The following C8orf89 variants were observed in gnomAD, a reference collection of about 807,000 sequenced individuals.
The protein encoded by C8orf89 is putative uncharacterized protein C8orf89.
Under a neutral mutation model 15.8 loss-of-function variants are expected in C8orf89, and 14 were observed. The ratio of observed to expected loss-of-function variants is 0.89; its 90% confidence interval spans 0.59 to 1.39. The LOEUF (loss-of-function observed/expected upper bound fraction) is 1.39. Ranked by LOEUF, C8orf89 falls within the 40% of genes most tolerant of loss-of-function variation. C8orf89 has a pLI of 0.00. For synonymous variants in C8orf89, 55 were observed against 62.2 expected (o/e 0.88, Z 0.54); for missense variants, 181 against 184.5 (o/e 0.98, Z 0.11).
the C8orf89 span, among the ~76,000 whole-genome samples, chr8:73,282,854 G>A: frequency 9.9e-5 from 15 of 152,210 alleles, no homozygotes; most frequent in Non-Finnish European, 2.1e-4. Flanking sequence ...GCTGAATGAG[G>A]CTGGGAATTG....
chr8:73,266,500 C>T, the C8orf89 span, among the ~76,000 whole-genome samples: 2 of 152,178 alleles, frequency 1.3e-5, no homozygotes, highest in Non-Finnish European at 2.9e-5. Flanking sequence ...TGTCAGAGAG[C>T]CAGACTACTT....
chr8:73,277,840 T>C, the C8orf89 span: 2 of 706,854 alleles, frequency 2.8e-6, no homozygotes, highest in African/African-American at 1.8e-5. Context: ...TCTTTTCCCA[T>C]AGCTGCTTTG....
the C8orf89 span, among the ~76,000 whole-genome samples, chr8:73,278,452 C>G: frequency 5.3e-5 from 8 of 152,290 alleles, no homozygotes; most frequent in East Asian, 1.5e-3. Flanking sequence ...TACCCTGACG[C>G]CCGGGCGCTG....
At chr8:73,260,110 C>A (rs892049848), upstream of C8orf89, among the ~76,000 whole-genome samples, 3 of 152,160 alleles carry the variant, frequency 2.0e-5, no homozygotes, top group African/African-American at 7.2e-5. Context: ...CTTATTCATT[C>A]ATGCAAAATA....
the C8orf89 span, among the ~76,000 whole-genome samples, chr8:73,283,162 G>A: frequency 6.6e-6 from 1 of 152,198 alleles, no homozygotes; most frequent in Non-Finnish European, 1.5e-5. Context: ...AAGGCAGGAA[G>A]AAGAAAAGGC....
At chr8:73,267,201 A>G in the C8orf89 span, among the ~76,000 whole-genome samples, 2 of 152,226 alleles carry the variant, frequency 1.3e-5, no homozygotes, top group Admixed American at 6.5e-5. Context: ...TTTCCTATAT[A>G]TACATACCTA....
intron 2 of C8orf89, among the ~76,000 whole-genome samples, chr8:73,256,726 C>CAAAAAAA (rs11288188): frequency 8.7e-4 from 38 of 43,680 alleles, no homozygotes; most frequent in South Asian, 1.0e-3. Context: ...GACTCTGTCT[C>CAAAAAAA]AAAAAAAAAA....
In C8orf89 at chr8:73,256,741, A is replaced by AAAT. The variant is rs1452964032; in HGVS notation, c.281+231_281+232insATT. On this transcript the variant is annotated intron_variant, in intron 2 of 3. Coordinates refer to ENST00000624510, the MANE Select transcript of C8orf89 (RefSeq NM_001243237.3). ...GACTCTGTCTCAAAAAAAAAAAAAA[A>AAAT]AAAAAAAAGCCCTTAAATCTTTTCT... Among the ~76,000 whole-genome samples, 1,243 of 151,192 alleles carry AAAT rather than the reference A, an allele frequency of 8.2e-3. 23 individuals carry two copies. Among genetic ancestry groups the AAAT allele is most frequent in the African/African-American group, 0.027 (1,126 of 41,184 alleles).
At chr8:73,247,575 C>T (rs1478284231) in intron 3 of C8orf89, among the ~76,000 whole-genome samples, 1 of 152,124 alleles carries the variant, frequency 6.6e-6, no homozygotes, top group Non-Finnish European at 1.5e-5. Context: ...TATAAGTGTT[C>T]CTTTTTCTTT....
chr8:73,249,126 T>C (rs564077647), intron 3 of C8orf89, among the ~76,000 whole-genome samples: 2 of 152,276 alleles, frequency 1.3e-5, no homozygotes, highest in African/African-American at 4.8e-5. Context: ...GAGTTTTTAA[T>C]AGGAAAGGTG....
intron 2 of C8orf89, among the ~76,000 whole-genome samples, chr8:73,256,588 C>T (rs1239532267): frequency 1.3e-5 from 2 of 151,424 alleles, no homozygotes; most frequent in Non-Finnish European, 2.9e-5. Context: ...ATTAGCTGGG[C>T]GTGGTGGCGG....
chr8:73,244,118 A>G (rs1813069456), intron 3 of C8orf89, among the ~76,000 whole-genome samples: 1 of 152,226 alleles, frequency 6.6e-6, no homozygotes, highest in Non-Finnish European at 1.5e-5. Context: ...AACATTTCTC[A>G]TAAATGCTAA....
chr8:73,275,800 TTA>T, the C8orf89 span, among the ~76,000 whole-genome samples: 28 of 152,316 alleles, frequency 1.8e-4, no homozygotes, highest in Middle Eastern at 6.8e-3. Flanking sequence ...TTTATGTCTT[TTA>T]GTTTATCAGA....
intron 3 of C8orf89, among the ~76,000 whole-genome samples, chr8:73,249,245 C>T (rs1278710239): frequency 1.3e-5 from 2 of 152,242 alleles, no homozygotes; most frequent in East Asian, 3.9e-4. Flanking sequence ...TATGTTGAAC[C>T]AACCTTGCAC....
At chr8:73,274,981 CTAA>C in the C8orf89 span, among the ~76,000 whole-genome samples, 1 of 152,102 alleles carries the variant, frequency 6.6e-6, no homozygotes, top group African/African-American at 2.4e-5. Context: ...TTAGAATTTT[CTAA>C]TATTACAAAC....
At chr8:73,283,200 C>T in the C8orf89 span, among the ~76,000 whole-genome samples, 1 of 152,180 alleles carries the variant, frequency 6.6e-6, no homozygotes, top group African/African-American at 2.4e-5. Flanking sequence ...GCAGACAGTT[C>T]AGGGGAACCA....
At chr8:73,283,341 C>T in the C8orf89 span, among the ~76,000 whole-genome samples, 1 of 152,146 alleles carries the variant, frequency 6.6e-6, no homozygotes, top group African/African-American at 2.4e-5. Flanking sequence ...ACACAGATTC[C>T]AGTCAATGAC....
Position 73,257,102 on chromosome 8 carries a change from T to C in C8orf89, c.152A>G (p.Glu51Gly), listed in dbSNP as rs2546217. The change falls in exon 2 of 4, where the codon GAA (glutamate) becomes GGA (glycine). Residue 51 changes from glutamate (E) to glycine (G), a missense_variant. Transcript: ENST00000624510. ...CATTTTGATACATTCCTTGAGCTCT[T>C]CTAGACCAAATGCTGTGGTATATTC... ...KKEYTTAFGL[E>G]ELKECIKMPY... is the part of the protein sequence containing the mutation. The C allele has an allele frequency of 0.22, 337,674 of 1,531,256 alleles. 42,378 individuals carry two copies. Among genetic ancestry groups the C allele is most frequent in the African/African-American group, 0.57 (41,742 of 72,756 alleles). 94.9% of individuals were successfully genotyped at this position (1,531,256 alleles called of 1,614,324 possible).
At position 73,241,364 on chromosome 8, in the gene C8orf89, T is replaced by C. The variant is rs1813001408; in HGVS notation, c.*93A>G. The C allele has an allele frequency of 7.7e-6, 8 of 1,039,952 alleles. No individual in the cohort carries two copies. The highest frequency in any genetic ancestry group is 1.6e-5 in the African/African-American group (1 of 62,542). The allele number at this position is 1,039,952 out of a possible 1,614,324, so 64.4% of individuals were successfully genotyped here. On this transcript the variant is annotated 3_prime_UTR_variant, in exon 4 of 4. Coordinates refer to ENST00000624510, the MANE Select transcript of C8orf89 (RefSeq NM_001243237.3). Reference sequence around the variant, plus strand: ...AATATTTATTTATTTACATTTCCATTTTTATATAAATCATTTTGCATCATA... The same window carrying C: ...AATATTTATTTATTTACATTTCCATCTTTATATAAATCATTTTGCATCATA...
Sources: gnomAD v4.1 joint callset for allele counts (sites outside exome capture counted in the v4.1 genomes callset) on GRCh38, gnomAD v4.1.1 for gene constraint, MANE v1.5 for transcripts, NCBI Gene and HGNC (gene_info 2026-07-23, HGNC 2026-07-21) for gene names.